The following PCDHGA1 variants were observed in gnomAD, a reference collection of about 807,000 sequenced individuals.
PCDHGA1 encodes the protein protocadherin gamma-A1.
A neutral mutation model predicts 58.0 loss-of-function variants in PCDHGA1; 32 were observed. The ratio of observed to expected loss-of-function variants is 0.55; its 90% confidence interval spans 0.42 to 0.74. PCDHGA1 has a LOEUF of 0.74. Ranked by LOEUF, PCDHGA1 falls within the 30% of genes least tolerant of loss-of-function variation. The probability of loss-of-function intolerance (pLI) is 0.00; values close to 1 mark genes in which losing one functional copy is unlikely to be tolerated. For synonymous variants in PCDHGA1, 498 were observed against 501.1 expected (o/e 0.99, Z 0.08); for missense variants, 1,205 against 1,182.3 (o/e 1.02, Z -0.28).
At chr5:141,398,657 G>C in intron 1 of PCDHGA1, 1 of 1,614,018 alleles carries the variant, frequency 6.2e-7, no homozygotes, top group African/African-American at 1.3e-5. Flanking sequence ...CTTAACCCAA[G>C]TTTCTCATTA....
chr5:141,370,825 A>C, intron 1 of PCDHGA1: 3 of 1,614,070 alleles, frequency 1.9e-6, no homozygotes, highest in Non-Finnish European at 2.5e-6. Context: ...GAAATCAGCG[A>C]ACTGGCTCTC....
chr5:141,465,413 G>A (rs996581829), intron 1 of PCDHGA1, among the ~76,000 whole-genome samples: 1 of 152,174 alleles, frequency 6.6e-6, no homozygotes, highest in Non-Finnish European at 1.5e-5. Context: ...AGCCAAATCA[G>A]CACTGAAAGG....
At chr5:141,355,148 A>G in intron 1 of PCDHGA1, 1 of 1,533,998 alleles carries the variant, frequency 6.5e-7, no homozygotes, top group Non-Finnish European at 8.7e-7. Context: ...GGGGCTCCTC[A>G]GGCCTCGACA....
At chr5:141,366,214 A>G (rs749592795) in intron 1 of PCDHGA1, 7 of 1,613,810 alleles carry the variant, frequency 4.3e-6, no homozygotes, top group South Asian at 1.1e-5. Flanking sequence ...AGGTGCGCAC[A>G]GCGCGAGCCC....
chr5:141,370,235 G>T, intron 1 of PCDHGA1: 5 of 608,818 alleles, frequency 8.2e-6, no homozygotes, highest in Non-Finnish European at 1.3e-5. Flanking sequence ...CAGCTCGGAA[G>T]AAAAGTGCAC....
At chr5:141,422,907 G>A in intron 1 of PCDHGA1, 1 of 1,614,196 alleles carries the variant, frequency 6.2e-7, no homozygotes, top group Non-Finnish European at 8.5e-7. Context: ...ACGACAATGC[G>A]CCCGAGATCC....
rs2095403267 is a variant in PCDHGA1, at chr5:141,410,523, A to C, written c.2421+77418A>C. 2 of 1,613,800 alleles carry C rather than the reference A, an allele frequency of 1.2e-6. No individual in the cohort carries two copies. Among genetic ancestry groups the C allele is most frequent in the African/African-American group, 2.7e-5 (2 of 74,910 alleles). ...TTCCTAAAATGCAGTGTGCCCCTAC[A>C]TTCCAATGAAGACATGGTTTGCAGT... On this transcript the variant is annotated intron_variant, in intron 1 of 3. Coordinates refer to ENST00000517417, the MANE Select transcript of PCDHGA1 (RefSeq NM_018912.3).
intron 1 of PCDHGA1, chr5:141,389,141 C>A: frequency 1.2e-6 from 2 of 1,613,998 alleles, no homozygotes; most frequent in Non-Finnish European, 8.5e-7. Flanking sequence ...ACAATATAAC[C>A]GTTACGGCAA....
chr5:141,350,227 C>G (rs1433950900), intron 1 of PCDHGA1: 2 of 1,496,214 alleles, frequency 1.3e-6, no homozygotes, highest in East Asian at 2.3e-5. Context: ...GAAAAACATC[C>G]CAGAGGAAAG....
chr5:141,432,746 G>T lies in PCDHGA1; in HGVS notation c.2422-62061G>T, dbSNP rs772043134. The T allele has an allele frequency of 6.2e-7, 1 of 1,614,098 alleles. No individual in the cohort carries two copies. Among genetic ancestry groups the T allele is most frequent in the Non-Finnish European group, 8.5e-7 (1 of 1,179,992 alleles). Reference sequence around the variant, plus strand: ...CTCCGCCACTGTCACGCTCACCGTGGCCGTGGCCGACAGCATCCCCCAAGT... The same window carrying T: ...CTCCGCCACTGTCACGCTCACCGTGTCCGTGGCCGACAGCATCCCCCAAGT... On this transcript the variant is annotated intron_variant, in intron 1 of 3. Transcript: ENST00000517417. This position sits in a 1 kb window ranked among gnomAD's most constrained non-coding sequence, Gnocchi z 6.0.
intron 1 of PCDHGA1, chr5:141,340,248 A>G (rs769716594): frequency 2.5e-6 from 4 of 1,614,186 alleles, no homozygotes; most frequent in Admixed American, 3.3e-5. Flanking sequence ...ACCGCTAAAG[A>G]TGGAGGGAAC....
At position 141,330,821 on chromosome 5, in the gene PCDHGA1, G is replaced by A; in HGVS notation, c.137G>A (p.Gly46Asp). 6.2e-7 allele frequency: 1 copy of A among 1,614,166 alleles called. No individual in the cohort carries two copies. The highest frequency in any genetic ancestry group is 1.6e-4 in the Middle Eastern group (1 of 6,062). Reference protein sequence around the residue: ...PEETDKGSFVGNIAKDLGLQP... With the variant: ...PEETDKGSFVDNIAKDLGLQP... ...GAGACAGACAAAGGTTCCTTCGTAG[G>A]CAACATCGCCAAGGACCTAGGGCTG... The change falls in exon 1 of 4, where the codon GGC becomes GAC. Residue 46 changes from glycine (G) to aspartate (D), a missense_variant. Gly to Asp is a moderately conservative substitution (Grantham distance 94). Transcript: ENST00000517417.
At position 141,490,054 on chromosome 5, in the gene PCDHGA1, G is replaced by A. The variant is rs2099695440; in HGVS notation, c.2422-4753G>A. The A allele has an allele frequency of 6.2e-7, 1 of 1,614,104 alleles. No individual in the cohort carries two copies. The highest frequency in any genetic ancestry group is 1.3e-5 in the African/African-American group (1 of 74,944). ...CCTCAATGCCACTGATCCAGACGAG[G>A]GCACCAACGGCCAACTAGACTATTC... On this transcript the variant is annotated intron_variant, in intron 1 of 3. Transcript: ENST00000517417. This position sits in a 1 kb window ranked among gnomAD's most constrained non-coding sequence, Gnocchi z 5.4.
intron 1 of PCDHGA1, chr5:141,365,337 C>T: frequency 1.9e-6 from 3 of 1,613,956 alleles, no homozygotes; most frequent in Non-Finnish European, 2.5e-6. Flanking sequence ...GTGGTGGTCA[C>T]AGTACAGGAC....
chr5:141,421,713 T>G, intron 1 of PCDHGA1: 1 of 1,613,932 alleles, frequency 6.2e-7, no homozygotes, highest in South Asian at 1.1e-5. Flanking sequence ...GGGATCCAGA[T>G]GTGGGCGTGA....
intron 1 of PCDHGA1, chr5:141,422,451 C>A: frequency 6.2e-7 from 1 of 1,611,518 alleles, no homozygotes; most frequent in East Asian, 2.2e-5. Context: ...TGATAACAAG[C>A]AGAGTGCTGG....
intron 1 of PCDHGA1, among the ~76,000 whole-genome samples, chr5:141,358,322 G>A (rs1185859053): frequency 6.6e-6 from 1 of 152,192 alleles, no homozygotes; most frequent in Non-Finnish European, 1.5e-5. Context: ...TCTTTCTCAT[G>A]AAGCTATTGT....
At chr5:141,363,183 T>C (rs6890708) in intron 1 of PCDHGA1, among the ~76,000 whole-genome samples, 3,287 of 152,342 alleles carry the variant, frequency 0.022, 57 homozygotes, top group Non-Finnish European at 0.033. Context: ...TTTTAACAAA[T>C]TGCTCTTAAG....
chr5:141,346,727 A>T (rs1757797400), intron 1 of PCDHGA1, among the ~76,000 whole-genome samples: 1 of 152,166 alleles, frequency 6.6e-6, no homozygotes, highest in South Asian at 2.1e-4. Flanking sequence ...GAATTTTCAG[A>T]TCTCTAAGTT....
Sources: allele counts gnomAD v4.1 joint callset (sites outside exome capture counted in the v4.1 genomes callset), GRCh38; gene constraint gnomAD v4.1.1; non-coding constraint Gnocchi (gnomAD v3.1); transcripts MANE v1.5; gene names NCBI Gene and HGNC (gene_info 2026-07-23, HGNC 2026-07-21).